Variants in RTEL1 observed in about 807,000 individuals in gnomAD.
The protein encoded by RTEL1 is regulator of telomere elongation helicase 1, also known as regulator of telomere length.
A neutral mutation model predicts 162.2 loss-of-function variants in RTEL1; 86 were observed. The observed-to-expected ratio is 0.53, with a 90% CI of 0.45 to 0.63. The LOEUF is 0.63. Among genes scored for constraint, RTEL1 ranks in the 30% least tolerant of loss-of-function variants. The pLI is 0.00. For synonymous variants in RTEL1, 958 were observed against 717.9 expected, an observed-to-expected ratio of 1.33 and a Z score of -5.35; for missense variants, 1,941 against 1,750.2, an observed-to-expected ratio of 1.11 and a Z score of -1.95.
chr20:63,674,034 C>T lies in RTEL1; in HGVS notation c.860C>T (p.Thr287Ile), dbSNP rs561054389. ...ATAGACCAGGTGCTGGAGGAGCAGA[C>T]CAAGGCAGCGCAGCAGGGTGAGCCC... ...DVIDQVLEEQ[T>I]KAAQQGEPHP... Residue 287 changes from threonine (T) to isoleucine (I), a missense_variant, in exon 10 of 35, where the codon ACC (threonine) becomes ATC (isoleucine). Transcript: ENST00000360203. The T allele has an allele frequency of 1.2e-4, 187 of 1,613,854 alleles. No individual in the cohort carries two copies. Among genetic ancestry groups the T allele is most frequent in the Admixed American group, 1.0e-3 (62 of 60,022 alleles).
intron 30 of RTEL1, 56 bp from the exon 31 acceptor site, chr20:63,694,316 C>T (rs768197084): frequency 8.0e-7 from 1 of 1,246,128 alleles, no homozygotes; most frequent in Non-Finnish European, 1.2e-6. Context: ...CCCCCCACCC[C>T]AGGGAACTTT....
At position 63,695,278 on chromosome 20, in the gene RTEL1, G is replaced by T. The variant is rs549364060; in HGVS notation, c.3500-50G>T. 5 of 1,598,658 alleles carry T rather than the reference G, an allele frequency of 3.1e-6. No individual in the cohort carries two copies. In the South Asian group the frequency reaches 5.5e-5, roughly 18 times the overall value. On this transcript the variant is annotated intron_variant, in intron 33 of 34. Transcript: ENST00000360203. ...GCCCCAACCGCACGCAGCCCTGGGA[G>T]TGAGCAGCAAAGCCCCAGGCCCCCC... is the stretch of plus-strand genomic sequence containing the variant.
Position 63,693,486 on chromosome 20 carries a change from ACCACCTCCACCTCCACCACCACCTCCT to A in RTEL1, c.2992+209_2992+235del, listed in dbSNP as rs2090844762. On this transcript the variant is annotated intron_variant, in intron 30 of 34. Transcript: ENST00000360203. ...CTCCACCTCCACCTCCACCTCCACC[ACCACCTCCACCTCCACCACCACCTCCT>A]CCACCACCACCACCTCCACCACCAC... is the stretch of plus-strand genomic sequence containing the variant. Among the ~76,000 whole-genome samples, 8 of 21,234 alleles carry A rather than the reference ACCACCTCCACCTCCACCACCACCTCCT, an allele frequency of 3.8e-4. 1 individual carries two copies. The highest frequency in any genetic ancestry group is 1.6e-3 in the South Asian group (1 of 632). The allele number at this position is 21,234 out of a possible 152,430, so 13.9% of individuals were successfully genotyped here.
At chr20:63,694,212 C>T (rs1601193321) in intron 30 of RTEL1, 160 bp from the exon 31 acceptor site, 3 of 657,560 alleles carry the variant, frequency 4.6e-6, no homozygotes, top group African/African-American at 1.8e-5. Context: ...GCTGGTGTCT[C>T]CTCTGATGCC....
chr20:63,692,323 C>T, intron 28 of RTEL1: 1 of 228,236 alleles, frequency 4.4e-6, no homozygotes, highest in Non-Finnish European at 8.7e-6. Context: ...GCTGAGGGGC[C>T]TGGGCTGGCG....
intron 10 of RTEL1, among the ~76,000 whole-genome samples, chr20:63,674,783 CT>C (rs2090315892): frequency 6.6e-6 from 1 of 152,152 alleles, no homozygotes; most frequent in Non-Finnish European, 1.5e-5. Context: ...CATGCATCAG[CT>C]GCTCTGCCTG....
rs370171864 is a variant in RTEL1 at position 63,693,260 on chromosome 20, C to T, written c.2969C>T (p.Ala990Val). ...CACAGCATTCCCCGAAGGCAGCGGG[C>T]ACAGCCGGTCCTGGACCCCACTGGT... Reference protein sequence around the residue: ...PEHSIPRRQRAQPVLDPTGRT... With the variant: ...PEHSIPRRQRVQPVLDPTGRT... The change falls in exon 30 of 35, where the codon GCA (alanine) becomes GTA (valine). Residue 990 changes from alanine to valine, a missense_variant. Coordinates refer to ENST00000360203, the MANE Select transcript of RTEL1 (RefSeq NM_001283009.2). The T allele has an allele frequency of 4.8e-5, 78 of 1,611,798 alleles. No homozygotes were observed. The highest frequency in any genetic ancestry group is 6.2e-5 in the Non-Finnish European group (73 of 1,179,438).
Position 63,662,622 on chromosome 20 carries a change from C to T in RTEL1, c.472C>T (p.Leu158=). ...PEVKKQESNH[L]QIHLCRKKVA... ...GGTGAAGAAACAAGAGAGTAACCATCTACAGGTAGGCTCCTGGGCTCCCGC... is the reference window on the plus strand; with the variant it reads ...GGTGAAGAAACAAGAGAGTAACCATTTACAGGTAGGCTCCTGGGCTCCCGC... Residue 158 remains leucine, a synonymous_variant, in exon 5 of 35, where the codon CTA becomes TTA. Transcript: ENST00000360203. The T allele has an allele frequency of 6.2e-7, 1 of 1,614,054 alleles. No individual in the cohort carries two copies. Among genetic ancestry groups the T allele is most frequent in the Non-Finnish European group, 8.5e-7 (1 of 1,180,014 alleles).
At chr20:63,678,048 G>C (rs1005698263) in intron 10 of RTEL1, 97 bp from the exon 11 acceptor site, 18 of 1,375,974 alleles carry the variant, frequency 1.3e-5, no homozygotes, top group Admixed American at 1.8e-5. Context: ...TTCCATGTTG[G>C]TGTCCTTTTT....
chr20:63,693,932 C>G (rs977353472), intron 30 of RTEL1, among the ~76,000 whole-genome samples: 1 of 151,160 alleles, frequency 6.6e-6, no homozygotes, highest in Non-Finnish European at 1.5e-5. Context: ...TCCTAGGGTC[C>G]TAGACCCCTG....
intron 16 of RTEL1, 71 bp downstream of exon 16, chr20:63,685,943 G>A (rs2090583148): frequency 6.9e-7 from 1 of 1,448,510 alleles, no homozygotes; most frequent in Non-Finnish European, 9.6e-7. Context: ...CCACAGGCTA[G>A]GCACATGCCC....
intron 5 of RTEL1, 46 bp downstream of exon 5, chr20:63,662,673 TG>T (rs2090045041): frequency 6.2e-7 from 1 of 1,611,062 alleles, no homozygotes; most frequent in Non-Finnish European, 8.5e-7. Context: ...GACAGGCGAG[TG>T]CTGCTGGGTG....
chr20:63,677,085 G>A (rs1023696039), intron 10 of RTEL1, among the ~76,000 whole-genome samples: 14 of 116,552 alleles, frequency 1.2e-4, no homozygotes, highest in South Asian at 3.0e-4. Context: ...TCCTGACCCC[G>A]GCGGTTGTGG....
chr20:63,693,923 C>T (rs991735279), intron 30 of RTEL1, among the ~76,000 whole-genome samples: 5 of 150,998 alleles, frequency 3.3e-5, no homozygotes, highest in Non-Finnish European at 7.4e-5. Flanking sequence ...ACGCCAGGGT[C>T]CTAGGGTCCT....
At chr20:63,681,626 C>T in intron 14 of RTEL1, 1 of 985,380 alleles carries the variant, frequency 1.0e-6, no homozygotes, top group Non-Finnish European at 1.2e-6. Context: ...CATGGAGCTG[C>T]AGATCCCGGA....
chr20:63,671,399 T>C (rs1215714876), intron 8 of RTEL1, among the ~76,000 whole-genome samples: 1 of 152,068 alleles, frequency 6.6e-6, no homozygotes, highest in Non-Finnish European at 1.5e-5. Context: ...ACTCTATTAA[T>C]AGAAAAGGCA....
rs1300086484 is a variant in RTEL1, at chr20:63,688,736, G to C, written c.1800+131G>C. The C allele has an allele frequency of 5.1e-6, 4 of 781,598 alleles. No individual in the cohort carries two copies. The African/African-American group carries it at 5.2e-5, about 10-fold the overall frequency. The allele number at this position is 781,598 out of a possible 1,614,324, so 48.4% of individuals were successfully genotyped here. ...CTCCCGCTGCCTCTTCAGGGCTCCT[G>C]CGTTTCCTTCCTGGCCCTGAGTGTT... On this transcript the variant is annotated intron_variant, in intron 21 of 34. Transcript: ENST00000360203.
rs749033086 is a variant in RTEL1 at position 63,661,358 on chromosome 20, A to T, written c.163A>T (p.Thr55Ser). 23 of 1,613,468 alleles carry T rather than the reference A, an allele frequency of 1.4e-5. No homozygotes were observed. Among genetic ancestry groups the T allele is most frequent in the Non-Finnish European group, 1.9e-5 (22 of 1,180,008 alleles). ...AGGGAAGACGCTGTGCCTGCTGTGCACCACGCTGGCCTGGCGAGAACACCT... is the reference window on the plus strand; with the variant it reads ...AGGGAAGACGCTGTGCCTGCTGTGCTCCACGCTGGCCTGGCGAGAACACCT... ...GTGKTLCLLC[T>S]TLAWREHLRD... The change falls in exon 3 of 35, where the codon ACC (threonine) becomes TCC (serine). Residue 55 changes from threonine (T) to serine (S), a missense_variant. Transcript: ENST00000360203. This position sits in a 1 kb window ranked among gnomAD's most constrained non-coding sequence, Gnocchi z 5.1.
chr20:63,693,307 C>T (rs370536556), intron 30 of RTEL1, 24 bp downstream of exon 30: 17 of 1,610,408 alleles, frequency 1.1e-5, no homozygotes, highest in Admixed American at 1.7e-5. Flanking sequence ...CAGGTGGGAC[C>T]CTCAGACTCC....
Sources: allele counts gnomAD v4.1 joint callset (sites outside exome capture counted in the v4.1 genomes callset), GRCh38; gene constraint gnomAD v4.1.1; non-coding constraint Gnocchi (gnomAD v3.1); transcripts MANE v1.5; gene names NCBI Gene and HGNC (gene_info 2026-07-23, HGNC 2026-07-21).